The following CCDC33 variants were observed in gnomAD, a reference collection of about 807,000 sequenced individuals.
CCDC33 encodes the protein coiled-coil domain containing 33, also known as coiled-coil domain-containing protein 33.
In CCDC33, 94 loss-of-function variants were observed where a neutral mutation model predicts 91.9. The ratio of observed to expected loss-of-function variants is 1.02; its 90% confidence interval spans 0.87 to 1.21. CCDC33 has a LOEUF of 1.21. CCDC33 is among the 50% of genes most tolerant of loss of function. CCDC33 has a pLI of 0.00. For missense variants in CCDC33, 940 were observed against 935.5 expected, an observed-to-expected ratio of 1.00 and a Z score of -0.06; for synonymous variants, 396 against 374.5, an observed-to-expected ratio of 1.06 and a Z score of -0.66.
rs930227852 is a variant in CCDC33, at chr15:74,316,405, C to T, written c.1291-13784C>T. ...ATGGGGCTTCTAATTGTGCGTTTCC[C>T]AAAGTCTACAGGCTTTTGATGAAAA... On this transcript the variant is annotated intron_variant, in intron 11 of 18. Transcript: ENST00000398814. This position sits in a 1 kb window ranked among gnomAD's most constrained non-coding sequence, Gnocchi z 4.7. Among the ~76,000 whole-genome samples, 1 of 152,222 alleles carries T rather than the reference C, an allele frequency of 6.6e-6. No homozygotes were observed. The highest frequency in any genetic ancestry group is 1.5e-5 in the Non-Finnish European group (1 of 68,032).
chr15:74,221,241 T>TAAACACAAA, intron 2 of CCDC33: 1 of 848,026 alleles, frequency 1.2e-6, no homozygotes, highest in Non-Finnish European at 1.4e-6. Flanking sequence ...TTTTTTTTTT[T>TAAACACAAA]TTCACCAGAA....
intron 10 of CCDC33, among the ~76,000 whole-genome samples, chr15:74,294,349 A>T (rs2059638884): frequency 6.6e-6 from 1 of 152,174 alleles, no homozygotes; most frequent in Non-Finnish European, 1.5e-5. Context: ...TGTTTTAGAG[A>T]TAACCATGAA....
intron 11 of CCDC33, among the ~76,000 whole-genome samples, chr15:74,321,916 G>T (rs1287330537): frequency 1.3e-5 from 2 of 152,152 alleles, no homozygotes; most frequent in Admixed American, 6.5e-5. Context: ...CATGTGCGTG[G>T]CCCTTGGCAG....
intron 7 of CCDC33, among the ~76,000 whole-genome samples, chr15:74,278,262 C>T (rs1362516592): frequency 6.6e-6 from 1 of 152,000 alleles, no homozygotes. Context: ...CCGTCATCAG[C>T]ACCCTGCCAC....
chr15:74,215,819 C>T (rs544409259), upstream of CCDC33, among the ~76,000 whole-genome samples: 5 of 147,970 alleles, frequency 3.4e-5, no homozygotes, highest in East Asian at 5.9e-4. Flanking sequence ...TGCAGTGAGC[C>T]GAGATCTCGC....
chr15:74,266,190 A>G (rs2142395330), intron 3 of CCDC33, among the ~76,000 whole-genome samples: 1 of 152,302 alleles, frequency 6.6e-6, no homozygotes, highest in East Asian at 1.9e-4. Context: ...TGAGCAGATC[A>G]CTTTTTCTTA....
intron 11 of CCDC33, chr15:74,299,927 C>G (rs1233170893): frequency 4.6e-5 from 7 of 152,384 alleles, no homozygotes; most frequent in Non-Finnish European, 4.4e-5. Flanking sequence ...ATTTCTACTT[C>G]TGACACTTTG....
At chr15:74,222,377 C>G (rs923262275) in intron 2 of CCDC33, among the ~76,000 whole-genome samples, 1 of 149,368 alleles carries the variant, frequency 6.7e-6, no homozygotes, top group Non-Finnish European at 1.5e-5. Flanking sequence ...CCACACAGCT[C>G]TGAGCTCTGG....
chr15:74,244,064 A>C lies in CCDC33; in HGVS notation c.101A>C (p.Lys34Thr). The change falls in exon 2 of 19, where the codon AAG (lysine) becomes ACG (threonine). Residue 34 changes from lysine (K) to threonine (T), a missense_variant. Coordinates refer to ENST00000398814, the MANE Select transcript of CCDC33 (RefSeq NM_025055.5). This position sits in a 1 kb window ranked among gnomAD's most constrained non-coding sequence, Gnocchi z 4.2. The stretch of plus-strand genomic sequence containing the variant: ...ATCGGTCACCTGTCTCCCTCTAAGA[A>C]GGAGACCATCATGGTCACCCTCCAT... The part of the protein sequence containing the change: ...PEIGHLSPSK[K>T]ETIMVTLHGA... 1 of 1,613,302 alleles carries C rather than the reference A, an allele frequency of 6.2e-7. No individual in the cohort carries two copies.
intron 2 of CCDC33, among the ~76,000 whole-genome samples, chr15:74,229,457 C>T (rs1160595990): frequency 6.6e-6 from 1 of 152,178 alleles, no homozygotes; most frequent in Non-Finnish European, 1.5e-5. Context: ...CCCACCACTG[C>T]ACTCCAGCCT....
In CCDC33 at chr15:74,254,217, G is replaced by C. The variant is rs144738810; in HGVS notation, c.186-8223G>C. ...CCAGCTAATTTTTGTATTTTTAGTA[G>C]AGATGGGGTTTCACCATGTTTGTCA... On this transcript the variant is annotated intron_variant, in intron 2 of 18. Coordinates refer to ENST00000398814, the MANE Select transcript of CCDC33 (RefSeq NM_025055.5). 8.1e-3 allele frequency among the ~76,000 whole-genome samples: 1,229 copies of C among 152,118 alleles called. 20 individuals are homozygous for C. The highest frequency in any genetic ancestry group is 0.028 in the African/African-American group (1,182 of 41,490).
intron 11 of CCDC33, among the ~76,000 whole-genome samples, chr15:74,324,589 C>A (rs1022160508): frequency 9.9e-5 from 15 of 152,002 alleles, no homozygotes; most frequent in African/African-American, 3.6e-4. Flanking sequence ...TCTCCTACCA[C>A]CCCTTGTCCT....
At chr15:74,204,087 T>C (rs1022403383) in intron 1 of CCDC33, among the ~76,000 whole-genome samples, 2 of 152,204 alleles carry the variant, frequency 1.3e-5, no homozygotes, top group African/African-American at 2.4e-5. Flanking sequence ...TGGCCCTTCT[T>C]GCAGGAAGAG....
chr15:74,286,602 C>A (rs549806852), intron 10 of CCDC33, among the ~76,000 whole-genome samples: 1 of 152,152 alleles, frequency 6.6e-6, no homozygotes, highest in African/African-American at 2.4e-5. Context: ...TGGAAATGCA[C>A]CTCCCCATGA....
chr15:74,210,848 T>C (rs2142123448), intron 2 of CCDC33, among the ~76,000 whole-genome samples: 1 of 152,320 alleles, frequency 6.6e-6, no homozygotes, highest in East Asian at 1.9e-4. Context: ...AAGAGAGGTG[T>C]TCTCTTTACC....
intron 2 of CCDC33, among the ~76,000 whole-genome samples, chr15:74,224,680 G>T (rs567221064): frequency 6.6e-6 from 1 of 152,170 alleles, no homozygotes; most frequent in African/African-American, 2.4e-5. Flanking sequence ...CCACTTCCAC[G>T]TCTGTAAAAT....
At chr15:74,234,845 G>A (rs2075096700), upstream of CCDC33, among the ~76,000 whole-genome samples, 1 of 152,224 alleles carries the variant, frequency 6.6e-6, no homozygotes, top group Non-Finnish European at 1.5e-5. Context: ...GCTCTGTGTC[G>A]GGAGCGGAGC....
upstream of CCDC33, among the ~76,000 whole-genome samples, chr15:74,213,862 G>C (rs893986879): frequency 6.6e-6 from 1 of 152,176 alleles, no homozygotes. Flanking sequence ...AGTGATGATC[G>C]CATGATCACC....
At chr15:74,334,196 A>G (rs1416906725) in intron 17 of CCDC33, among the ~76,000 whole-genome samples, 892 of 72,006 alleles carry the variant, frequency 0.012, no homozygotes, top group Middle Eastern at 0.052. Flanking sequence ...CCAGGGTTAG[A>G]GTTCAGTGTG....
Sources: allele counts gnomAD v4.1 joint callset (sites outside exome capture counted in the v4.1 genomes callset), GRCh38; gene constraint gnomAD v4.1.1; non-coding constraint Gnocchi (gnomAD v3.1); transcripts MANE v1.5; gene names NCBI Gene and HGNC (gene_info 2026-07-23, HGNC 2026-07-21).